SS18L1: variants seen among roughly 807,000 people sequenced by gnomAD.
SS18L1 encodes SS18L1 subunit of BAF chromatin remodeling complex.
SS18L1 carries 32 observed loss-of-function variants against 70.3 expected under a neutral mutation model. That is an observed-to-expected ratio of 0.46 (90% CI 0.34 to 0.61). SS18L1 has a LOEUF of 0.61. Ranked by LOEUF, SS18L1 falls within the 20% of genes least tolerant of loss-of-function variation. The pLI is 0.01. For missense variants in SS18L1, 430 were observed against 542.1 expected, an observed-to-expected ratio of 0.79 and a Z score of 2.05; for synonymous variants, 237 against 229.7, an observed-to-expected ratio of 1.03 and a Z score of -0.29.
intron 10 of SS18L1, among the ~76,000 whole-genome samples, chr20:62,178,520 T>G (rs1450921951): frequency 2.0e-5 from 3 of 152,060 alleles, no homozygotes; most frequent in Admixed American, 6.6e-5. Context: ...GGTCTCAAAC[T>G]CCTGGGCTCA....
intron 1 of SS18L1, among the ~76,000 whole-genome samples, chr20:62,145,604 A>C (rs2057011176): frequency 6.6e-6 from 1 of 152,122 alleles, no homozygotes; most frequent in African/African-American, 2.4e-5. Flanking sequence ...CTCCAGGTAA[A>C]AGTGTGTATT....
At chr20:62,144,299 C>T (rs1328264009) in intron 1 of SS18L1, among the ~76,000 whole-genome samples, 2 of 152,182 alleles carry the variant, frequency 1.3e-5, no homozygotes, top group Admixed American at 6.5e-5. Context: ...GCTTGTCGCG[C>T]TCCGCAGCCA....
At chr20:62,165,775 T>C (rs1173271995) in intron 8 of SS18L1, among the ~76,000 whole-genome samples, 1 of 151,684 alleles carries the variant, frequency 6.6e-6, no homozygotes, top group Non-Finnish European at 1.5e-5. Context: ...GACTTGGTTA[T>C]TGGGTCCAGC....
intron 1 of SS18L1, among the ~76,000 whole-genome samples, chr20:62,155,452 C>T (rs1185407561): frequency 2.0e-5 from 3 of 152,298 alleles, no homozygotes; most frequent in East Asian, 3.9e-4. Flanking sequence ...TCTTGCATAA[C>T]CTTCATCTTT....
rs1360843122 is a variant in SS18L1, at chr20:62,158,060, T to G, written c.70-612T>G. 6.6e-6 allele frequency among the ~76,000 whole-genome samples: 1 copy of G among 152,096 alleles called. No individual in the cohort carries two copies. Among genetic ancestry groups the G allele is most frequent in the South Asian group, 2.1e-4 (1 of 4,818 alleles). On this transcript the variant is annotated intron_variant, in intron 1 of 10. Coordinates refer to ENST00000331758, the MANE Select transcript of SS18L1 (RefSeq NM_198935.3). The surrounding 1 kb of genome is among the most constrained non-coding windows in gnomAD (Gnocchi z 4.5). ...GCAGTTACCTGTGCCCCACCCTGTG[T>G]GGTTGCAATTCGAGGCTATCCCCTC...
chr20:62,152,387 G>T (rs1241771063), intron 1 of SS18L1, among the ~76,000 whole-genome samples: 2 of 152,206 alleles, frequency 1.3e-5, no homozygotes, highest in African/African-American at 4.8e-5. Flanking sequence ...GGCTCCTCCA[G>T]ATGGAGTTGC....
chr20:62,173,063 A>C (rs1467055055), intron 9 of SS18L1, among the ~76,000 whole-genome samples: 3 of 152,252 alleles, frequency 2.0e-5, no homozygotes, highest in Non-Finnish European at 4.4e-5. Context: ...AAAAGTTGGA[A>C]ACATCCATGC....
chr20:62,160,045 C>A, intron 3 of SS18L1, 84 bp downstream of exon 3: 1 of 1,374,858 alleles, frequency 7.3e-7, no homozygotes, highest in East Asian at 2.5e-5. Flanking sequence ...CATGTCATCT[C>A]AGGTAGCAAA....
In SS18L1 at chr20:62,163,627, C is replaced by T. The variant is rs563055133; in HGVS notation, c.721+5C>T. 39 of 1,572,372 alleles carry T rather than the reference C, an allele frequency of 2.5e-5. No individual in the cohort carries two copies. The highest frequency in any genetic ancestry group is 7.2e-5 in the Admixed American group (4 of 55,224). ...CCTACCGGCCCTCCCAGCAAGGTAA[C>T]GCCCGGCCGGGCCAGGTCGCGGGCA... On this transcript the variant is annotated splice_donor_5th_base_variant and intron_variant, in intron 6 of 10. Transcript: ENST00000331758.
intron 1 of SS18L1, among the ~76,000 whole-genome samples, chr20:62,154,001 T>C (rs2145712148): frequency 6.6e-6 from 1 of 152,350 alleles, no homozygotes; most frequent in Admixed American, 6.5e-5. Context: ...GTGTTATTCT[T>C]GCCCTGACAA....
rs779101887 is a variant in SS18L1, at chr20:62,161,397, A to G, written c.232-39A>G. ...GGCTTGTGGAGGTCGCTCTCCGTAA[A>G]TTAACCGTTTTTCCCTGAAAACTTC... is the stretch of plus-strand genomic sequence containing the variant. On this transcript the variant is annotated intron_variant, in intron 3 of 10. Coordinates refer to ENST00000331758, the MANE Select transcript of SS18L1 (RefSeq NM_198935.3). The surrounding 1 kb of genome is among the most constrained non-coding windows in gnomAD (Gnocchi z 4.4). 1.2e-6 allele frequency: 2 copies of G among 1,612,488 alleles called. No homozygotes were observed. Among genetic ancestry groups the G allele is most frequent in the Non-Finnish European group, 8.5e-7 (1 of 1,179,898 alleles).
chr20:62,162,883 A>G lies in SS18L1; in HGVS notation c.508A>G (p.Ile170Val), dbSNP rs1190017706. The G allele has an allele frequency of 2.5e-6, 4 of 1,612,930 alleles. No homozygotes were observed. The highest frequency in any genetic ancestry group is 3.4e-6 in the Non-Finnish European group (4 of 1,179,952). Reference sequence around the variant, plus strand: ...CGTCCCCATGCAGGGGCAAGGCACCATCGGCAACTACGTGTCTCGGACCAA... The same window carrying G: ...CGTCCCCATGCAGGGGCAAGGCACCGTCGGCAACTACGTGTCTCGGACCAA... ...QGVPMQGQGT[I>V]GNYVSRTNIN... is the part of the protein sequence containing the mutation. The change falls in exon 5 of 11, where the codon ATC becomes GTC. Residue 170 changes from isoleucine (I) to valine (V), a missense_variant. Physicochemically the swap from Ile to Val is conservative, Grantham distance 29. Coordinates refer to ENST00000331758, the MANE Select transcript of SS18L1 (RefSeq NM_198935.3).
At chr20:62,167,081 T>C (rs1429692722) in intron 8 of SS18L1, among the ~76,000 whole-genome samples, 2 of 127,200 alleles carry the variant, frequency 1.6e-5, no homozygotes, top group Non-Finnish European at 3.2e-5. Flanking sequence ...AGTCTCACTC[T>C]GTCGCCGAGG....
intron 6 of SS18L1, among the ~76,000 whole-genome samples, 159 bp downstream of exon 6, chr20:62,163,781 T>TG (rs546459123): frequency 1.5e-3 from 232 of 151,884 alleles, no homozygotes; most frequent in African/African-American, 4.3e-3. Flanking sequence ...GTGTGGACCC[T>TG]GGGGGTGAGG....
chr20:62,166,156 C>T (rs1323890468), intron 8 of SS18L1, among the ~76,000 whole-genome samples: 9 of 152,236 alleles, frequency 5.9e-5, no homozygotes, highest in Non-Finnish European at 8.8e-5. Context: ...ACACACAGCC[C>T]GTTCCAGTCC....
chr20:62,148,486 C>T (rs2427251), intron 1 of SS18L1, among the ~76,000 whole-genome samples: 1 of 121,728 alleles, frequency 8.2e-6, no homozygotes, highest in Admixed American at 8.1e-5. Context: ...CCTCCTTGCT[C>T]TCTTCGGTCA....
rs184438267 is a variant in SS18L1 at position 62,179,767 on chromosome 20, C to T, written c.*559C>T. On this transcript the variant is annotated 3_prime_UTR_variant, in exon 11 of 11. Coordinates refer to ENST00000331758, the MANE Select transcript of SS18L1 (RefSeq NM_198935.3). ...CGTTGGGTCAGTTTCTGTTACGTAACGAAAAGGATAAACATCTCCCACGGG... is the reference window on the plus strand; with the variant it reads ...CGTTGGGTCAGTTTCTGTTACGTAATGAAAAGGATAAACATCTCCCACGGG... The T allele has an allele frequency of 2.5e-4, 57 of 231,570 alleles. No individual in the cohort carries two copies. Among genetic ancestry groups the T allele is most frequent in the African/African-American group, 1.0e-3 (47 of 45,268 alleles). The allele number at this position is 231,570 out of a possible 1,614,324, so 14.3% of individuals were successfully genotyped here. A position where few individuals can be genotyped will look rare whatever the true frequency, so the allele number is the denominator to read the frequency against.
At chr20:62,154,309 G>T in intron 1 of SS18L1, 5 of 1,042,264 alleles carry the variant, frequency 4.8e-6, no homozygotes, top group Non-Finnish European at 5.8e-6. Context: ...CAGTCATCGA[G>T]TGCCCTTGGT....
At chr20:62,175,962 AGT>A (rs1189027018) in intron 10 of SS18L1, among the ~76,000 whole-genome samples, 1 of 152,172 alleles carries the variant, frequency 6.6e-6, no homozygotes, top group Admixed American at 6.5e-5. Context: ...GCCTCTCCCC[AGT>A]GTGTGCTGGG....
Sources: allele counts gnomAD v4.1 joint callset (sites outside exome capture counted in the v4.1 genomes callset), GRCh38; gene constraint gnomAD v4.1.1; non-coding constraint Gnocchi (gnomAD v3.1); transcripts MANE v1.5; gene names NCBI Gene and HGNC (gene_info 2026-07-23, HGNC 2026-07-21).